The following PSMD3 variants were observed in gnomAD, a reference collection of about 807,000 sequenced individuals.
PSMD3 encodes proteasome 26S subunit, non-ATPase 3, also known as 26S proteasome non-ATPase regulatory subunit 3.
A neutral mutation model predicts 62.8 loss-of-function variants in PSMD3; 5 were observed. The ratio of observed to expected loss-of-function variants is 0.08; its 90% CI spans 0.04 to 0.17. PSMD3 has a LOEUF of 0.17. Among genes scored for constraint, PSMD3 ranks in the 10% least tolerant of loss-of-function variants. PSMD3 has a pLI of 1.00. For synonymous variants in PSMD3, 265 were observed against 283.9 expected (o/e 0.93, Z 0.67); for missense variants, 524 against 713.6 (o/e 0.73, Z 3.03).
chr17:39,990,413 G>C (rs1204751466), intron 6 of PSMD3, among the ~76,000 whole-genome samples: 1 of 151,848 alleles, frequency 6.6e-6, no homozygotes, highest in Non-Finnish European at 1.5e-5. Context: ...CTCTATGCTA[G>C]GGGCTAGGAA....
In PSMD3 at chr17:39,996,857, T is replaced by C; in HGVS notation, c.1477-473T>C. 4.4e-6 allele frequency: 2 copies of C among 449,902 alleles called. No homozygotes were observed. The highest frequency in any genetic ancestry group is 3.2e-5 in the South Asian group (2 of 63,182). 27.9% of individuals were successfully genotyped at this position (449,902 alleles called of 1,614,324 possible). On this transcript the variant is annotated intron_variant, in intron 10 of 11. Coordinates refer to ENST00000264639, the MANE Select transcript of PSMD3 (RefSeq NM_002809.4). This position sits in a 1 kb window ranked among gnomAD's most constrained non-coding sequence, Gnocchi z 5.1. ...TGTTACTATTTGCTTGCCATGTTTT[T>C]TTCTGGTCTCCTCCGAGGAAACTAG...
intron 1 of PSMD3, among the ~76,000 whole-genome samples, chr17:39,983,016 GT>G: frequency 6.6e-6 from 1 of 151,928 alleles, no homozygotes; most frequent in Non-Finnish European, 1.5e-5. Flanking sequence ...GAGAAATGTA[GT>G]TTTCACTGTA....
At chr17:39,987,875 A>G (rs1980562471) in intron 3 of PSMD3, among the ~76,000 whole-genome samples, 1 of 152,240 alleles carries the variant, frequency 6.6e-6, no homozygotes, top group Non-Finnish European at 1.5e-5. Flanking sequence ...TGGGAGGCCA[A>G]GGCAGGCAGA....
chr17:39,997,471 T>C (rs1443268372), intron 11 of PSMD3, 33 bp from the exon 12 acceptor site: 2 of 1,613,814 alleles, frequency 1.2e-6, no homozygotes, highest in Admixed American at 3.3e-5. Flanking sequence ...TGAGCTGCTC[T>C]GAAGCTTTGG....
chr17:39,980,887 C>G lies in PSMD3; in HGVS notation c.-84C>G, dbSNP rs1980362162. Reference sequence around the variant, plus strand: ...CGCTATCTCGCGCTCGTGTGCAGGCCCGGCTCGGCTCCTGGTCCCCGGTGC... The same window carrying G: ...CGCTATCTCGCGCTCGTGTGCAGGCGCGGCTCGGCTCCTGGTCCCCGGTGC... On this transcript the variant is annotated 5_prime_UTR_variant, in exon 1 of 12. Coordinates refer to ENST00000264639, the MANE Select transcript of PSMD3 (RefSeq NM_002809.4). The G allele has an allele frequency of 3.2e-6, 4 of 1,254,724 alleles. No homozygotes were observed. Among genetic ancestry groups the G allele is most frequent in the African/African-American group, 1.6e-5 (1 of 63,778 alleles). The allele number at this position is 1,254,724 out of a possible 1,614,324, so 77.7% of individuals were successfully genotyped here. A position where few individuals can be genotyped will look rare whatever the true frequency, so the allele number is the denominator to read the frequency against.
In PSMD3 at chr17:39,996,074, G is replaced by C; in HGVS notation, c.1321-109G>C. On this transcript the variant is annotated intron_variant, in intron 9 of 11. Coordinates refer to ENST00000264639, the MANE Select transcript of PSMD3 (RefSeq NM_002809.4). This position sits in a 1 kb window ranked among gnomAD's most constrained non-coding sequence, Gnocchi z 5.1. Reference sequence around the variant, plus strand: ...GTAAAGGTTGCAGTGAGCTGAGATCGCACCACCGCACTCTCCTGCCTGGGT... The same window carrying C: ...GTAAAGGTTGCAGTGAGCTGAGATCCCACCACCGCACTCTCCTGCCTGGGT... 7.4e-7 allele frequency: 1 copy of C among 1,353,480 alleles called. No individual in the cohort carries two copies. The highest frequency in any genetic ancestry group is 1.0e-6 in the Non-Finnish European group (1 of 962,514). The allele number at this position is 1,353,480 out of a possible 1,614,324, so 83.8% of individuals were successfully genotyped here.
At chr17:39,982,771 C>G (rs11655584) in intron 1 of PSMD3, among the ~76,000 whole-genome samples, 5 of 152,096 alleles carry the variant, frequency 3.3e-5, no homozygotes, top group African/African-American at 9.7e-5. Flanking sequence ...TAAGAAACTA[C>G]TCATTGATTG....
At position 39,995,401 on chromosome 17, in the gene PSMD3, C is replaced by T. The variant is rs186615693; in HGVS notation, c.1217-23C>T. On this transcript the variant is annotated intron_variant, in intron 8 of 11. Coordinates refer to ENST00000264639, the MANE Select transcript of PSMD3 (RefSeq NM_002809.4). This position sits in a 1 kb window ranked among gnomAD's most constrained non-coding sequence, Gnocchi z 4.1. ...AAGGGTCTGTGTCCACTCTGCCCAC[C>T]CCATCGCTCCTTCCTCTCCCAGGTG... The T allele has an allele frequency of 1.2e-4, 190 of 1,612,422 alleles. 1 individual carries two copies. The East Asian group carries it at 4.0e-3, about 34-fold the overall frequency.
chr17:39,982,026 T>C (rs1209364775), intron 1 of PSMD3, among the ~76,000 whole-genome samples: 2 of 152,218 alleles, frequency 1.3e-5, no homozygotes, highest in African/African-American at 4.8e-5. Flanking sequence ...CCTGGTGCCA[T>C]TTTCCTGGTT....
At chr17:39,982,867 T>TA (rs1430117503) in intron 1 of PSMD3, among the ~76,000 whole-genome samples, 1 of 152,196 alleles carries the variant, frequency 6.6e-6, no homozygotes, top group Admixed American at 6.5e-5. Flanking sequence ...GTGCCCAACT[T>TA]AAAAAATCTA....
chr17:39,990,084 C>T lies in PSMD3; in HGVS notation c.878-10C>T. 8 of 1,613,378 alleles carry T rather than the reference C, an allele frequency of 5.0e-6. No homozygotes were observed. Among genetic ancestry groups the T allele is most frequent in the Non-Finnish European group, 6.8e-6 (8 of 1,179,346 alleles). ...CTCTGTTGACCAACTCTCCTCTCCT[C>T]CACTCCCAGGGCGAATCAAAGCCAT... On this transcript the variant is annotated splice_polypyrimidine_tract_variant and intron_variant, in intron 5 of 11. Transcript: ENST00000264639.
chr17:39,988,622 C>T, intron 3 of PSMD3, 61 bp from the exon 4 acceptor site: 5 of 1,580,114 alleles, frequency 3.2e-6, no homozygotes, highest in Non-Finnish European at 4.3e-6. Flanking sequence ...GCTCAAATGA[C>T]AACTCCATGT....
At chr17:39,985,399 C>T (rs1980499522) in intron 2 of PSMD3, among the ~76,000 whole-genome samples, 1 of 152,194 alleles carries the variant, frequency 6.6e-6, no homozygotes, top group Non-Finnish European at 1.5e-5. Flanking sequence ...GTATAAAGCT[C>T]CTAGAGCAGT....
chr17:39,981,768 C>G (rs1243324811), intron 1 of PSMD3, among the ~76,000 whole-genome samples: 1 of 152,162 alleles, frequency 6.6e-6, no homozygotes, highest in Non-Finnish European at 1.5e-5. Flanking sequence ...CCTTACTGCC[C>G]CTCTGTTTCT....
intron 10 of PSMD3, among the ~76,000 whole-genome samples, chr17:39,997,113 CAA>C (rs554359686): frequency 1.6e-4 from 25 of 152,330 alleles, no homozygotes; most frequent in Non-Finnish European, 3.5e-4. Flanking sequence ...CCTGCCCAGT[CAA>C]GAGAGTTGGT....
intron 4 of PSMD3, 23 bp downstream of exon 4, chr17:39,988,842 C>T: frequency 1.2e-6 from 2 of 1,611,218 alleles, no homozygotes; most frequent in Non-Finnish European, 1.7e-6. Context: ...AAGCATCTCA[C>T]TTGGGGTCCG....
chr17:39,987,826 G>T (rs118009374), intron 3 of PSMD3, among the ~76,000 whole-genome samples: 3,251 of 152,316 alleles, frequency 0.021, 54 homozygotes, highest in Non-Finnish European at 0.034. Flanking sequence ...GTGTACTACA[G>T]GCCAGGTATG....
chr17:39,980,858 C>G lies in PSMD3; in HGVS notation c.-113C>G. ...TGCAGCTGCTCCGTCATCGTGCGGC[C>G]CGACGCTATCTCGCGCTCGTGTGCA... On this transcript the variant is annotated 5_prime_UTR_variant, in exon 1 of 12. Coordinates refer to ENST00000264639, the MANE Select transcript of PSMD3 (RefSeq NM_002809.4). The G allele has an allele frequency of 1.0e-6, 1 of 981,790 alleles. No individual in the cohort carries two copies. The highest frequency in any genetic ancestry group is 1.4e-6 in the Non-Finnish European group (1 of 698,576). 60.8% of individuals were successfully genotyped at this position (981,790 alleles called of 1,614,324 possible).
At chr17:39,982,992 T>A (rs1271008495) in intron 1 of PSMD3, among the ~76,000 whole-genome samples, 1 of 152,208 alleles carries the variant, frequency 6.6e-6, no homozygotes, top group Admixed American at 6.5e-5. Flanking sequence ...CTGTGCTGAT[T>A]TACATTATAC....
Sources: gnomAD v4.1 joint callset for allele counts (sites outside exome capture counted in the v4.1 genomes callset) on GRCh38, gnomAD v4.1.1 for gene constraint, Gnocchi (gnomAD v3.1) non-coding constraint, MANE v1.5 for transcripts, NCBI Gene and HGNC (gene_info 2026-07-23, HGNC 2026-07-21) for gene names.